MED15: variants seen among roughly 807,000 people sequenced by gnomAD.
MED15 encodes the protein mediator complex subunit 15.
MED15 carries 41 observed loss-of-function variants against 118.7 expected under a neutral mutation model. That is an observed-to-expected ratio of 0.35 (90% CI 0.27 to 0.45). MED15 has a LOEUF of 0.45. Ranked by LOEUF, MED15 falls within the 20% of genes least tolerant of loss-of-function variation. The probability of loss-of-function intolerance (pLI) is 1.00; values close to 1 mark genes in which losing one functional copy is unlikely to be tolerated. For missense variants in MED15, 740 were observed against 1,025.5 expected, an observed-to-expected ratio of 0.72 and a Z score of 3.80; for synonymous variants, 436 against 413.9, an observed-to-expected ratio of 1.05 and a Z score of -0.65.
At chr22:20,538,745 G>A (rs774528855) in intron 2 of MED15, among the ~76,000 whole-genome samples, 7 of 151,982 alleles carry the variant, frequency 4.6e-5, no homozygotes, top group Non-Finnish European at 8.8e-5. Flanking sequence ...TTGTGCCCAG[G>A]TTGGAGTGCA....
At position 20,585,118 on chromosome 22, in the gene MED15, C is replaced by T. The variant is rs375304498; in HGVS notation, c.1982C>T (p.Thr661Ile). The change falls in exon 16 of 18, where the codon ACC becomes ATC. Residue 661 changes from threonine (T) to isoleucine (I), a missense_variant. By Grantham distance (89) the Thr-to-Ile change is moderately conservative. Coordinates refer to ENST00000263205, the MANE Select transcript of MED15 (RefSeq NM_001003891.3). ...GPPITAPVVC[T>I]RKRRLEDDER... ...CTCCCCAGGGCCCCAGTGGTGTGCA[C>T]CCGGAAGCGCAGGCTTGAGGATGAT... 1 of 1,613,642 alleles carries T rather than the reference C, an allele frequency of 6.2e-7. No homozygotes were observed. Among genetic ancestry groups the T allele is most frequent in the Non-Finnish European group, 8.5e-7 (1 of 1,179,966 alleles).
chr22:20,509,122 G>T (rs1029353775), intron 1 of MED15, among the ~76,000 whole-genome samples: 4 of 152,056 alleles, frequency 2.6e-5, no homozygotes, highest in African/African-American at 9.7e-5. Flanking sequence ...GTGGAGGGAG[G>T]ATCTTGTAGG....
intron 8 of MED15, among the ~76,000 whole-genome samples, chr22:20,572,872 C>G (rs1019593373): frequency 6.6e-6 from 1 of 152,054 alleles, no homozygotes; most frequent in African/African-American, 2.4e-5. Flanking sequence ...CTGCAGTGAG[C>G]TGTGATGACA....
At chr22:20,510,612 C>T (rs939710016) in intron 1 of MED15, among the ~76,000 whole-genome samples, 1 of 152,192 alleles carries the variant, frequency 6.6e-6, no homozygotes, top group East Asian at 1.9e-4. Context: ...GAGGTGCCCT[C>T]TTTCCTTACT....
intron 9 of MED15, among the ~76,000 whole-genome samples, chr22:20,580,903 T>C (rs1306320738): frequency 2.0e-5 from 3 of 152,200 alleles, no homozygotes; most frequent in Non-Finnish European, 4.4e-5. Flanking sequence ...CCGCGAGCCA[T>C]TTTGCTCCAT....
At chr22:20,551,094 C>T (rs1258272562) in intron 2 of MED15, 1 of 531,672 alleles carries the variant, frequency 1.9e-6, no homozygotes, top group Non-Finnish European at 3.7e-6. Context: ...CAGGCCAGCG[C>T]CTCATCACCC....
chr22:20,531,426 G>A (rs908900041), intron 1 of MED15, among the ~76,000 whole-genome samples: 31 of 152,218 alleles, frequency 2.0e-4, no homozygotes, highest in African/African-American at 2.9e-4. Flanking sequence ...AAGAGGTTAC[G>A]CTTTAGGGGA....
chr22:20,517,552 C>T (rs966091112), intron 1 of MED15, among the ~76,000 whole-genome samples: 2 of 152,208 alleles, frequency 1.3e-5, no homozygotes, highest in Non-Finnish European at 2.9e-5. Context: ...CTGCTCTTTT[C>T]ACAGGCTTGG....
At chr22:20,582,383 C>G (rs1306977551) in intron 9 of MED15, 8 of 642,854 alleles carry the variant, frequency 1.2e-5, no homozygotes, top group Non-Finnish European at 2.1e-5. Flanking sequence ...GGCCAAGGAG[C>G]AAGGGCTGCC....
At position 20,551,420 on chromosome 22, in the gene MED15, C is replaced by G. The variant is rs1009720799; in HGVS notation, c.157-16C>G. 2 of 1,613,232 alleles carry G rather than the reference C, an allele frequency of 1.2e-6. No individual in the cohort carries two copies. The highest frequency in any genetic ancestry group is 1.7e-5 in the Admixed American group (1 of 60,026). On this transcript the variant is annotated splice_polypyrimidine_tract_variant and intron_variant, in intron 2 of 17. Coordinates refer to ENST00000263205, the MANE Select transcript of MED15 (RefSeq NM_001003891.3). ...TCTTCATCTGGTATTAAACTGCTTC[C>G]TGTTTTTACTTTTAGGACGAATACC...
intron 8 of MED15, among the ~76,000 whole-genome samples, chr22:20,570,134 C>T (rs150074612): frequency 1.3e-5 from 2 of 151,188 alleles, no homozygotes; most frequent in African/African-American, 4.8e-5. Context: ...AAGTGATTCT[C>T]CTGCCTCAGG....
In MED15 at chr22:20,529,280, C is replaced by T. The variant is rs1274799881; in HGVS notation, c.69-7837C>T. On this transcript the variant is annotated intron_variant, in intron 1 of 17. Transcript: ENST00000263205. ...TTATTTATTTAGAGACAGAGTCTCA[C>T]TCTGTTACCCAGGCTGGAGTGCAGT... 3.2e-4 allele frequency among the ~76,000 whole-genome samples: 48 copies of T among 152,182 alleles called. 2 individuals are homozygous for T. Among genetic ancestry groups the T allele is most frequent in the Admixed American group, 2.9e-3 (44 of 15,264 alleles).
At chr22:20,543,902 A>G (rs1192087150) in intron 2 of MED15, among the ~76,000 whole-genome samples, 1 of 152,222 alleles carries the variant, frequency 6.6e-6, no homozygotes, top group African/African-American at 2.4e-5. Flanking sequence ...GCTCAGCTAA[A>G]TGTGCAAACT....
rs2053920312 is a variant in MED15, at chr22:20,507,811, C to T, written c.68+65C>T. On this transcript the variant is annotated intron_variant, in intron 1 of 17. Transcript: ENST00000263205. ...TTCCTCCTTAGCGTGGCGGGCGAGGCCAGGGCCGGACCCGTGAGAAACCTA... is the reference window on the plus strand; with the variant it reads ...TTCCTCCTTAGCGTGGCGGGCGAGGTCAGGGCCGGACCCGTGAGAAACCTA... The T allele has an allele frequency of 2.4e-5, 38 of 1,603,504 alleles. 1 individual carries two copies. In the South Asian group the frequency reaches 4.1e-4, roughly 17 times the overall value.
chr22:20,554,618 A>C, intron 4 of MED15: 1 of 231,042 alleles, frequency 4.3e-6, no homozygotes, highest in East Asian at 8.8e-5. Context: ...CAGGAGAGGC[A>C]GGGGTTGCCA....
At chr22:20,515,230 A>G (rs1207589530) in intron 1 of MED15, among the ~76,000 whole-genome samples, 2 of 152,212 alleles carry the variant, frequency 1.3e-5, no homozygotes, top group Non-Finnish European at 2.9e-5. Context: ...GCAGGAGTTG[A>G]CAGATGTTGA....
At chr22:20,559,563 A>G (rs896757636) in intron 5 of MED15, among the ~76,000 whole-genome samples, 9 of 152,260 alleles carry the variant, frequency 5.9e-5, no homozygotes, top group African/African-American at 2.2e-4. Flanking sequence ...TAGCCATCTC[A>G]TCTGCTGTGA....
In MED15 at chr22:20,586,910, G is replaced by GTTGGCCGACTTC. The variant is rs2057152320; in HGVS notation, c.*209_*220dup. Reference sequence around the variant, plus strand: ...CAGTGGAGCGGGTTGCTTGGGGGGCGTTGGCCGACTTCTTAGAGAAGGCCC... The same window carrying GTTGGCCGACTTC: ...CAGTGGAGCGGGTTGCTTGGGGGGCGTTGGCCGACTTCTTGGCCGACTTCTTAGAGAAGGCCC... On this transcript the variant is annotated 3_prime_UTR_variant, in exon 18 of 18. Transcript: ENST00000263205. 2 of 725,856 alleles carry GTTGGCCGACTTC rather than the reference G, an allele frequency of 2.8e-6. No individual in the cohort carries two copies. The highest frequency in any genetic ancestry group is 6.0e-5 in the Admixed American group (2 of 33,574). 45.0% of individuals were successfully genotyped at this position (725,856 alleles called of 1,614,324 possible).
intron 2 of MED15, among the ~76,000 whole-genome samples, chr22:20,539,968 TAA>T (rs1002374214): frequency 9.9e-5 from 15 of 152,210 alleles, no homozygotes; most frequent in African/African-American, 3.4e-4. Context: ...CATTTGGATA[TAA>T]GTCTGTTATT....
Sources: allele counts gnomAD v4.1 joint callset (sites outside exome capture counted in the v4.1 genomes callset), GRCh38; gene constraint gnomAD v4.1.1; transcripts MANE v1.5; gene names NCBI Gene and HGNC (gene_info 2026-07-23, HGNC 2026-07-21).